Variants in IGLON5 observed in about 807,000 individuals in gnomAD.
IGLON5 encodes IgLON family member 5.
In IGLON5, 16 loss-of-function variants were observed where a neutral mutation model predicts 38.2. That is an observed-to-expected ratio of 0.42 (90% CI 0.28 to 0.64). The LOEUF is 0.64. IGLON5 is among the 30% of genes least tolerant of loss of function. The pLI, the probability that IGLON5 is intolerant of heterozygous loss-of-function variation, is 0.23. For synonymous variants in IGLON5, 207 were observed against 216.4 expected (o/e 0.96, Z 0.38); for missense variants, 366 against 483.4 (o/e 0.76, Z 2.28).
chr19:51,326,487 C>T (rs761703903), intron 4 of IGLON5, among the ~76,000 whole-genome samples: 6 of 152,148 alleles, frequency 3.9e-5, no homozygotes, highest in Non-Finnish European at 7.3e-5. Context: ...TGATCTGAGT[C>T]AGATTCCTGG....
chr19:51,327,900 C>CGGGGCGGGGCCGGGAAGG lies in IGLON5; in HGVS notation c.922+15_922+32dup, dbSNP rs1985257899. On this transcript the variant is annotated intron_variant, in intron 7 of 7. Transcript: ENST00000270642. This position sits in a 1 kb window ranked among gnomAD's most constrained non-coding sequence, Gnocchi z 7.1. ...TGCGGCTCCTGCGTGCGTCTTCGGG[C>CGGGGCGGGGCCGGGAAGG]GGGGCGGGGCCGGGAAGGTGGGCGG... 2 of 605,074 alleles carry CGGGGCGGGGCCGGGAAGG rather than the reference C, an allele frequency of 3.3e-6. No individual in the cohort carries two copies. Among genetic ancestry groups the CGGGGCGGGGCCGGGAAGG allele is most frequent in the African/African-American group, 4.1e-5 (2 of 48,334 alleles). The allele number at this position is 605,074 out of a possible 1,614,324, so 37.5% of individuals were successfully genotyped here. A position where few individuals can be genotyped will look rare whatever the true frequency, so the allele number is the denominator to read the frequency against.
rs1468413155 is a variant in IGLON5 at position 51,330,422 on chromosome 19, G to C, written c.*1663G>C. 1.3e-5 allele frequency: 2 copies of C among 152,230 alleles called. No homozygotes were observed. Among genetic ancestry groups the C allele is most frequent in the African/African-American group, 4.8e-5 (2 of 41,456 alleles). 9.4% of individuals were successfully genotyped at this position (152,230 alleles called of 1,614,324 possible). A position where few individuals can be genotyped will look rare whatever the true frequency, so the allele number is the denominator to read the frequency against. ...GAAGGGCAAAGGGTAGCAGTCAATT[G>C]GTGGTGCCTCTCCAGCATCATTCCT... On this transcript the variant is annotated 3_prime_UTR_variant, in exon 8 of 8. Transcript: ENST00000270642.
intron 1 of IGLON5, among the ~76,000 whole-genome samples, chr19:51,319,557 G>T (rs1985005538): frequency 6.6e-6 from 1 of 152,182 alleles, no homozygotes. Flanking sequence ...GTGTGTGTCT[G>T]TCTTCACCAG....
intron 1 of IGLON5, 80 bp from the exon 2 acceptor site, chr19:51,321,984 C>A (rs34297802): frequency 7.2e-6 from 8 of 1,115,686 alleles, no homozygotes; most frequent in Non-Finnish European, 1.1e-5. Flanking sequence ...CAAGGACGTG[C>A]GTGTGCACAT....
chr19:51,311,859 T>A lies in IGLON5; in HGVS notation c.12T>A (p.Pro4=), dbSNP rs769520002. The change falls in exon 1 of 8, where the codon CCT becomes CCA. Residue 4 remains proline (P), a synonymous_variant. Transcript: ENST00000270642. Reference sequence around the variant, plus strand: ...CCGCCTCTGCCGCGATGCCCCCCCCTGCGCCCGGGGCCCGGCTCCGGCTTC... The same window carrying A: ...CCGCCTCTGCCGCGATGCCCCCCCCAGCGCCCGGGGCCCGGCTCCGGCTTC... MPP[P]APGARLRLLA... is the part of the protein sequence containing the mutation. 41 of 1,249,512 alleles carry A rather than the reference T, an allele frequency of 3.3e-5. No homozygotes were observed. The highest frequency in any genetic ancestry group is 6.0e-5 in the South Asian group (3 of 49,976). The allele number at this position is 1,249,512 out of a possible 1,614,324, so 77.4% of individuals were successfully genotyped here. A position where few individuals can be genotyped will look rare whatever the true frequency, so the allele number is the denominator to read the frequency against.
chr19:51,318,810 G>A (rs761501873), intron 1 of IGLON5, among the ~76,000 whole-genome samples: 5 of 152,178 alleles, frequency 3.3e-5, no homozygotes, highest in African/African-American at 9.7e-5. Context: ...TGGGGGCAGT[G>A]CCTGCTTCAA....
At position 51,325,377 on chromosome 19, in the gene IGLON5, T is replaced by C. The variant is rs373523590; in HGVS notation, c.423T>C (p.Pro141=). Residue 141 remains proline, a synonymous_variant, in exon 4 of 8, where the codon CCT becomes CCC. Transcript: ENST00000270642. This position sits in a 1 kb window ranked among gnomAD's most constrained non-coding sequence, Gnocchi z 5.5. ...CCCGCATTGTGAACATCTCGTCGCC[T>C]GTGACGGTGAATGAGGGGGGCAATG... ...VPARIVNISS[P]VTVNEGGNVN... The C allele has an allele frequency of 6.2e-7, 1 of 1,613,834 alleles. No individual in the cohort carries two copies. The highest frequency in any genetic ancestry group is 8.5e-7 in the Non-Finnish European group (1 of 1,179,808).
chr19:51,311,869 G>A lies in IGLON5; in HGVS notation c.22G>A (p.Ala8Thr). MPPPAPG[A>T]RLRLLAAAAL... is the part of the protein sequence containing the mutation. ...CGCGATGCCCCCCCCTGCGCCCGGG[G>A]CCCGGCTCCGGCTTCTCGCCGCCGC... is the stretch of plus-strand genomic sequence containing the variant. Residue 8 changes from alanine to threonine, a missense_variant, in exon 1 of 8, where the codon GCC becomes ACC. Coordinates refer to ENST00000270642, the MANE Select transcript of IGLON5 (RefSeq NM_001101372.3). 1.5e-6 allele frequency: 2 copies of A among 1,345,200 alleles called. No individual in the cohort carries two copies. Among genetic ancestry groups the A allele is most frequent in the South Asian group, 3.5e-5 (2 of 56,550 alleles). 83.3% of individuals were successfully genotyped at this position (1,345,200 alleles called of 1,614,324 possible).
At chr19:51,322,764 G>T (rs1231270390) in intron 2 of IGLON5, among the ~76,000 whole-genome samples, 2 of 141,830 alleles carry the variant, frequency 1.4e-5, no homozygotes, top group East Asian at 2.2e-4. Context: ...CTCCCTCTGG[G>T]TCTCTTTCCC....
intron 2 of IGLON5, 58 bp from the exon 3 acceptor site, chr19:51,323,604 G>A: frequency 6.8e-7 from 1 of 1,464,710 alleles, no homozygotes; most frequent in Non-Finnish European, 9.3e-7. Context: ...CCCCCTCGGT[G>A]GGGGAAGCCT....
At chr19:51,318,555 T>C (rs1415208949) in intron 1 of IGLON5, among the ~76,000 whole-genome samples, 1 of 151,016 alleles carries the variant, frequency 6.6e-6, no homozygotes, top group Non-Finnish European at 1.5e-5. Context: ...CTGGGCAACA[T>C]GGCAAGACCT....
intron 1 of IGLON5, among the ~76,000 whole-genome samples, chr19:51,314,464 A>C (rs774786507): frequency 3.3e-5 from 5 of 152,172 alleles, no homozygotes; most frequent in Non-Finnish European, 5.9e-5. Context: ...GATTACAGGC[A>C]TGAGCCACTG....
chr19:51,326,958 G>A, intron 5 of IGLON5, 60 bp downstream of exon 5: 1 of 1,572,442 alleles, frequency 6.4e-7, no homozygotes, highest in East Asian at 2.3e-5. Flanking sequence ...CTGGGGAGGA[G>A]GGATCTGGGG....
intron 1 of IGLON5, among the ~76,000 whole-genome samples, chr19:51,320,148 G>C (rs1216650156): frequency 6.6e-6 from 1 of 152,150 alleles, no homozygotes; most frequent in East Asian, 1.9e-4. Flanking sequence ...CTCGGGGAGG[G>C]TGAGCCCCCT....
intron 3 of IGLON5, 106 bp downstream of exon 3, chr19:51,324,000 G>A (rs548170712): frequency 2.1e-5 from 16 of 744,382 alleles, no homozygotes; most frequent in Middle Eastern, 2.7e-4. Flanking sequence ...GATACATAGC[G>A]AGAAAGACAG....
rs1985153887 is a variant in IGLON5, at chr19:51,324,030, G to T, written c.391+136G>T. 1.6e-6 allele frequency: 1 copy of T among 641,076 alleles called. No homozygotes were observed. The highest frequency in any genetic ancestry group is 2.7e-6 in the Non-Finnish European group (1 of 374,320). 39.7% of individuals were successfully genotyped at this position (641,076 alleles called of 1,614,324 possible). A position where few individuals can be genotyped will look rare whatever the true frequency, so the allele number is the denominator to read the frequency against. On this transcript the variant is annotated intron_variant, in intron 3 of 7. Transcript: ENST00000270642. The surrounding 1 kb of genome is among the most constrained non-coding windows in gnomAD (Gnocchi z 4.2). ...AGACAGACACAGCCTTGCCCTTGGGGATTTCAGCCCAGCAGAAGGGGGCCA... is the reference window on the plus strand; with the variant it reads ...AGACAGACACAGCCTTGCCCTTGGGTATTTCAGCCCAGCAGAAGGGGGCCA...
In IGLON5 at chr19:51,327,634, GCAGAATGCTGGGT is replaced by G; in HGVS notation, c.768-95_768-83del. On this transcript the variant is annotated intron_variant, in intron 6 of 7. Coordinates refer to ENST00000270642, the MANE Select transcript of IGLON5 (RefSeq NM_001101372.3). The surrounding 1 kb of genome is among the most constrained non-coding windows in gnomAD (Gnocchi z 7.1). ...AGGCGATGGGTCACTGGGGTAGGGGGCAGAATGCTGGGTCACCGGGGAACGGAGGAGCCTGAGA... is the reference window on the plus strand; with the variant it reads ...AGGCGATGGGTCACTGGGGTAGGGGGCACCGGGGAACGGAGGAGCCTGAGA... 1.3e-6 allele frequency: 2 copies of G among 1,497,696 alleles called. No homozygotes were observed. The highest frequency in any genetic ancestry group is 2.5e-5 in the South Asian group (2 of 81,114). The allele number at this position is 1,497,696 out of a possible 1,614,324, so 92.8% of individuals were successfully genotyped here. A position where few individuals can be genotyped will look rare whatever the true frequency, so the allele number is the denominator to read the frequency against.
intron 2 of IGLON5, among the ~76,000 whole-genome samples, chr19:51,323,363 T>C (rs1985126566): frequency 6.6e-6 from 1 of 152,290 alleles, no homozygotes; most frequent in Non-Finnish European, 1.5e-5. Flanking sequence ...TCTTTCTCCT[T>C]CCTTCTGCAT....
At chr19:51,322,571 C>T (rs906281241) in intron 2 of IGLON5, among the ~76,000 whole-genome samples, 1 of 144,224 alleles carries the variant, frequency 6.9e-6, no homozygotes, top group African/African-American at 2.6e-5. Context: ...CCTCTCTCCA[C>T]GCCTCTCTCT....
Sources: gnomAD v4.1 joint callset for allele counts (sites outside exome capture counted in the v4.1 genomes callset) on GRCh38, gnomAD v4.1.1 for gene constraint, Gnocchi (gnomAD v3.1) non-coding constraint, MANE v1.5 for transcripts, NCBI Gene and HGNC (gene_info 2026-07-23, HGNC 2026-07-21) for gene names.